Variants in TSPAN5 observed in about 807,000 individuals in gnomAD.
TSPAN5 encodes tetraspanin 5, also known as tetraspanin-5.
TSPAN5 carries 10 observed loss-of-function variants against 37.1 expected under a neutral mutation model. The observed-to-expected ratio is 0.27, with a 90% CI of 0.17 to 0.46. TSPAN5 has a LOEUF of 0.46. Ranked by LOEUF, TSPAN5 falls within the 20% of genes least tolerant of loss-of-function variation. TSPAN5 has a pLI of 1.00. For synonymous variants in TSPAN5, 110 were observed against 118.9 expected (o/e 0.93, Z 0.48); for missense variants, 195 against 326.6 (o/e 0.60, Z 3.11).
intron 1 of TSPAN5, among the ~76,000 whole-genome samples, chr4:98,647,441 GTA>G (rs1757091207): frequency 6.6e-6 from 1 of 152,146 alleles, no homozygotes; most frequent in Admixed American, 6.5e-5. Context: ...ACTTAATTGA[GTA>G]CAATGCATTA....
At chr4:98,547,638 G>C (rs975014515) in intron 1 of TSPAN5, among the ~76,000 whole-genome samples, 1 of 152,124 alleles carries the variant, frequency 6.6e-6, no homozygotes, top group Admixed American at 6.5e-5. Context: ...TTTCCTATCA[G>C]TGGCTCTGAA....
At chr4:98,534,701 T>C (rs1032747995) in intron 1 of TSPAN5, among the ~76,000 whole-genome samples, 4 of 152,260 alleles carry the variant, frequency 2.6e-5, no homozygotes, top group Non-Finnish European at 5.9e-5. Flanking sequence ...TGGGTGCTCC[T>C]GTATTGGATG....
intron 1 of TSPAN5, among the ~76,000 whole-genome samples, chr4:98,650,604 T>C (rs1757165600): frequency 1.3e-5 from 2 of 152,222 alleles, no homozygotes; most frequent in African/African-American, 4.8e-5. Flanking sequence ...TGTAAACTCA[T>C]GGTTTTAAAA....
chr4:98,478,318 G>A lies in TSPAN5; in HGVS notation c.576+367C>T, dbSNP rs567884122. Among the ~76,000 whole-genome samples, 92 of 152,304 alleles carry A rather than the reference G, an allele frequency of 6.0e-4. 2 individuals are homozygous for A. Among genetic ancestry groups the A allele is most frequent in the Admixed American group, 1.4e-3 (22 of 15,306 alleles). On this transcript the variant is annotated intron_variant, in intron 5 of 7. Transcript: ENST00000305798. ...ACAGATGATACAGGCAAGTTGCCTGGGTCTCATATTCCACTCCATTGCCTG... is the reference window on the plus strand; with the variant it reads ...ACAGATGATACAGGCAAGTTGCCTGAGTCTCATATTCCACTCCATTGCCTG...
At chr4:98,552,971 G>A (rs1754657047) in intron 1 of TSPAN5, among the ~76,000 whole-genome samples, 2 of 152,138 alleles carry the variant, frequency 1.3e-5, no homozygotes, top group Admixed American at 1.3e-4. Context: ...AAGGGTATCT[G>A]GAATTTCAGT....
intron 1 of TSPAN5, among the ~76,000 whole-genome samples, chr4:98,533,935 A>T (rs1578973698): frequency 2.3e-4 from 29 of 124,094 alleles, no homozygotes; most frequent in South Asian, 2.7e-4. Context: ...CATTTTGTTG[A>T]TCTTAAAAAA....
chr4:98,487,270 A>G (rs1486871221), intron 2 of TSPAN5, among the ~76,000 whole-genome samples: 1 of 151,816 alleles, frequency 6.6e-6, no homozygotes, highest in Admixed American at 6.6e-5. Context: ...GAAGAGCCCA[A>G]GAAACTGTCA....
chr4:98,546,982 G>T (rs1342680094), intron 1 of TSPAN5, among the ~76,000 whole-genome samples: 3 of 152,216 alleles, frequency 2.0e-5, no homozygotes, highest in Non-Finnish European at 4.4e-5. Context: ...CAGCACCAGA[G>T]CCCAAGCTCG....
At chr4:98,564,437 C>A (rs1346152402) in intron 1 of TSPAN5, among the ~76,000 whole-genome samples, 1 of 152,144 alleles carries the variant, frequency 6.6e-6, no homozygotes, top group African/African-American at 2.4e-5. Flanking sequence ...GCAATTCTGG[C>A]AGTTAATTTA....
At chr4:98,533,297 C>T (rs1427562707) in intron 1 of TSPAN5, among the ~76,000 whole-genome samples, 10 of 151,994 alleles carry the variant, frequency 6.6e-5, no homozygotes, top group Admixed American at 6.6e-4. Flanking sequence ...TGGTAGAATT[C>T]GGCTGTGAAT....
At chr4:98,645,033 A>C (rs896645641) in intron 1 of TSPAN5, among the ~76,000 whole-genome samples, 3 of 152,218 alleles carry the variant, frequency 2.0e-5, no homozygotes, top group African/African-American at 7.2e-5. Flanking sequence ...TGTTCCCCAA[A>C]GTGCGATTCC....
At chr4:98,474,150 C>A (rs1343305443) in intron 7 of TSPAN5, among the ~76,000 whole-genome samples, 1 of 152,148 alleles carries the variant, frequency 6.6e-6, no homozygotes, top group Non-Finnish European at 1.5e-5. Flanking sequence ...CCTATGTTTT[C>A]TTCTGGAGTT....
intron 2 of TSPAN5, among the ~76,000 whole-genome samples, chr4:98,491,910 A>G (rs1753095087): frequency 6.6e-6 from 1 of 151,532 alleles, no homozygotes; most frequent in African/African-American, 2.4e-5. Context: ...AAGAAGCTGT[A>G]AGAAAAAAAA....
At chr4:98,591,032 T>C (rs969354308) in intron 1 of TSPAN5, among the ~76,000 whole-genome samples, 19 of 151,730 alleles carry the variant, frequency 1.3e-4, no homozygotes, top group Non-Finnish European at 2.5e-4. Flanking sequence ...CCAATAGAAA[T>C]GAGCAACTTT....
chr4:98,614,373 G>A (rs144875016), intron 1 of TSPAN5, among the ~76,000 whole-genome samples: 13 of 152,224 alleles, frequency 8.5e-5, no homozygotes, highest in African/African-American at 2.2e-4. Flanking sequence ...GGGCTGTGGC[G>A]GGTAGAGTGG....
chr4:98,572,765 A>G (rs1171630461), intron 1 of TSPAN5, among the ~76,000 whole-genome samples: 1 of 152,220 alleles, frequency 6.6e-6, no homozygotes, highest in East Asian at 1.9e-4. Flanking sequence ...ATTAAAGTAA[A>G]TATGGAGATG....
At chr4:98,635,592 A>G (rs1191813233) in intron 1 of TSPAN5, among the ~76,000 whole-genome samples, 1 of 152,216 alleles carries the variant, frequency 6.6e-6, no homozygotes, top group Non-Finnish European at 1.5e-5. Flanking sequence ...CCTTTAGAAG[A>G]CAAACAATTT....
intron 1 of TSPAN5, among the ~76,000 whole-genome samples, chr4:98,515,084 G>A (rs1032571823): frequency 2.6e-5 from 4 of 152,090 alleles, no homozygotes; most frequent in South Asian, 4.2e-4. Flanking sequence ...GGCAGGTGTC[G>A]GGGGAACAGC....
chr4:98,646,328 A>G (rs554548916), intron 1 of TSPAN5, among the ~76,000 whole-genome samples: 9 of 152,270 alleles, frequency 5.9e-5, no homozygotes, highest in Non-Finnish European at 1.3e-4. Context: ...GAAATAGAGG[A>G]AAAAAATGAC....
Sources: gnomAD v4.1 joint callset for allele counts (sites outside exome capture counted in the v4.1 genomes callset) on GRCh38, gnomAD v4.1.1 for gene constraint, MANE v1.5 for transcripts, NCBI Gene and HGNC (gene_info 2026-07-23, HGNC 2026-07-21) for gene names.